The following UNC5D variants were observed in gnomAD, a reference collection of about 807,000 sequenced individuals.
The protein encoded by UNC5D is netrin receptor UNC5D.
In UNC5D, 39 loss-of-function variants were observed where a neutral mutation model predicts 105.4. The observed-to-expected ratio is 0.37, with a 90% CI of 0.29 to 0.48. The LOEUF (loss-of-function observed/expected upper bound fraction) is 0.48. Among genes scored for constraint, UNC5D ranks in the 20% least tolerant of loss-of-function variants. The probability of loss-of-function intolerance (pLI) is 0.98; values close to 1 mark genes in which losing one functional copy is unlikely to be tolerated. For synonymous variants in UNC5D, 452 were observed against 450.4 expected, an observed-to-expected ratio of 1.00 and a Z score of -0.04; for missense variants, 991 against 1,202.4, an observed-to-expected ratio of 0.82 and a Z score of 2.60.
intron 1 of UNC5D, among the ~76,000 whole-genome samples, chr8:35,492,329 G>T (rs566085845): frequency 6.6e-6 from 1 of 152,138 alleles, no homozygotes; most frequent in South Asian, 2.1e-4. Flanking sequence ...TAAGTCAGAA[G>T]AATAATTTTG....
At chr8:35,679,575 C>T (rs981718446) in intron 4 of UNC5D, among the ~76,000 whole-genome samples, 2 of 152,050 alleles carry the variant, frequency 1.3e-5, no homozygotes, top group African/African-American at 4.8e-5. Flanking sequence ...GCTAGAACCC[C>T]CATAAGGATT....
At chr8:35,749,759 A>G (rs1249002626) in intron 12 of UNC5D, among the ~76,000 whole-genome samples, 1 of 152,084 alleles carries the variant, frequency 6.6e-6, no homozygotes, top group Non-Finnish European at 1.5e-5. Context: ...TCTTCCCAGC[A>G]CTTCCTCACA....
intron 1 of UNC5D, among the ~76,000 whole-genome samples, chr8:35,517,633 A>G (rs1222682691): frequency 6.6e-6 from 1 of 152,184 alleles, no homozygotes; most frequent in East Asian, 1.9e-4. Context: ...ATAAAGCATA[A>G]TGCAAAGTAT....
intron 1 of UNC5D, chr8:35,544,595 GTTTTTTTT>G (rs775831187): frequency 5.9e-5 from 34 of 573,094 alleles, no homozygotes; most frequent in Admixed American, 1.6e-4. Context: ...TTTCGTTTTC[GTTTTTTTT>G]TTTTTTTTTT....
At chr8:35,659,371 A>G (rs1012706906) in intron 4 of UNC5D, among the ~76,000 whole-genome samples, 4 of 152,192 alleles carry the variant, frequency 2.6e-5, no homozygotes, top group Admixed American at 2.6e-4. Context: ...TTGTGAAATG[A>G]AGACTTATGT....
At chr8:35,423,018 G>T (rs1019342035) in intron 1 of UNC5D, among the ~76,000 whole-genome samples, 20 of 152,210 alleles carry the variant, frequency 1.3e-4, no homozygotes, top group Non-Finnish European at 2.6e-4. Context: ...AAGAGCAGTT[G>T]CTGGAATCCA....
intron 11 of UNC5D, among the ~76,000 whole-genome samples, chr8:35,746,261 C>T (rs1361769828): frequency 6.6e-6 from 1 of 152,190 alleles, no homozygotes; most frequent in Non-Finnish European, 1.5e-5. Context: ...ATGCTGTTAA[C>T]ACCTGCCTCT....
At chr8:35,509,699 T>TG (rs141861730) in intron 1 of UNC5D, among the ~76,000 whole-genome samples, 1,613 of 151,812 alleles carry the variant, frequency 0.011, 36 homozygotes, top group African/African-American at 0.037. Context: ...CAGATATTCG[T>TG]GGGTTTTTCC....
At chr8:35,399,392 T>C (rs1216062125) in intron 1 of UNC5D, among the ~76,000 whole-genome samples, 1 of 152,108 alleles carries the variant, frequency 6.6e-6, no homozygotes, top group Non-Finnish European at 1.5e-5. Flanking sequence ...AAGTTGTAGG[T>C]AGAATTAAAA....
chr8:35,783,247 T>C (rs924062533), intron 16 of UNC5D, among the ~76,000 whole-genome samples: 1 of 152,162 alleles, frequency 6.6e-6, no homozygotes, highest in Non-Finnish European at 1.5e-5. Flanking sequence ...AGTGTTCCCT[T>C]CTATTTGAAA....
intron 8 of UNC5D, among the ~76,000 whole-genome samples, chr8:35,716,974 G>A (rs778615794): frequency 6.6e-6 from 1 of 152,198 alleles, no homozygotes; most frequent in Non-Finnish European, 1.5e-5. Flanking sequence ...TGTGCTGAGG[G>A]TGCTTCCTGG....
In UNC5D at chr8:35,257,968, T is replaced by C. The variant is rs139627412; in HGVS notation, c.103+22081T>C. On this transcript the variant is annotated intron_variant, in intron 1 of 16. Transcript: ENST00000404895. Reference sequence around the variant, plus strand: ...CAATGTATGGAGTACATTTATTGTATACACATGTGTCTTAATCCATTCGTG... The same window carrying C: ...CAATGTATGGAGTACATTTATTGTACACACATGTGTCTTAATCCATTCGTG... Among the ~76,000 whole-genome samples the C allele has an allele frequency of 8.8e-3, 1,337 of 152,360 alleles. 8 individuals carry two copies. Among genetic ancestry groups the C allele is most frequent in the Non-Finnish European group, 0.013 (885 of 68,044 alleles).
At chr8:35,616,486 C>T (rs1216612522) in intron 4 of UNC5D, among the ~76,000 whole-genome samples, 2 of 152,212 alleles carry the variant, frequency 1.3e-5, no homozygotes, top group African/African-American at 4.8e-5. Flanking sequence ...CTGAGCTCTA[C>T]TGCTGCCCGA....
chr8:35,278,107 C>T (rs1018899216), intron 1 of UNC5D, among the ~76,000 whole-genome samples: 2 of 152,164 alleles, frequency 1.3e-5, no homozygotes, highest in Non-Finnish European at 1.5e-5. Flanking sequence ...CAGGACTGGG[C>T]TCCATCCTTC....
intron 1 of UNC5D, among the ~76,000 whole-genome samples, chr8:35,508,429 A>G (rs997603493): frequency 6.6e-6 from 1 of 152,206 alleles, no homozygotes; most frequent in Non-Finnish European, 1.5e-5. Flanking sequence ...GGAGTTTCCT[A>G]AGAAGAAAGA....
intron 1 of UNC5D, among the ~76,000 whole-genome samples, chr8:35,369,171 A>G (rs1359085858): frequency 6.6e-6 from 1 of 152,206 alleles, no homozygotes; most frequent in Admixed American, 6.5e-5. Context: ...TGGTGAGTAT[A>G]CTGTAATTAA....
intron 1 of UNC5D, among the ~76,000 whole-genome samples, chr8:35,311,379 A>G (rs1436357421): frequency 6.6e-6 from 1 of 152,148 alleles, no homozygotes; most frequent in African/African-American, 2.4e-5. Flanking sequence ...AGTAGTCAAA[A>G]GTTCAGGCTC....
At chr8:35,674,477 G>A (rs755954705) in intron 4 of UNC5D, among the ~76,000 whole-genome samples, 6 of 152,086 alleles carry the variant, frequency 3.9e-5, no homozygotes, top group Non-Finnish European at 8.8e-5. Context: ...TAAAATGGGG[G>A]TGATAAAAAT....
At chr8:35,351,499 C>T (rs137950738) in intron 1 of UNC5D, among the ~76,000 whole-genome samples, 18 of 152,182 alleles carry the variant, frequency 1.2e-4, no homozygotes, top group East Asian at 5.8e-4. Flanking sequence ...CGTACCATCA[C>T]GGTTGTATCT....
Sources: allele counts gnomAD v4.1 joint callset (sites outside exome capture counted in the v4.1 genomes callset), GRCh38; gene constraint gnomAD v4.1.1; transcripts MANE v1.5; gene names NCBI Gene and HGNC (gene_info 2026-07-23, HGNC 2026-07-21).